The following ODAD2 variants were observed in gnomAD, a reference collection of about 807,000 sequenced individuals.
The protein encoded by ODAD2 is outer dynein arm docking complex subunit 2, also known as outer dynein arm-docking complex subunit 2.
ODAD2 carries 89 observed loss-of-function variants against 106.8 expected under a neutral mutation model. That is an observed-to-expected ratio of 0.83 (90% CI 0.70 to 0.99). The LOEUF is 0.99. Among genes scored for constraint, ODAD2 ranks in the 50% least tolerant of loss-of-function variants. The probability of loss-of-function intolerance (pLI) is 0.00; values close to 1 mark genes in which losing one functional copy is unlikely to be tolerated. For synonymous variants in ODAD2, 404 were observed against 436.2 expected (o/e 0.93, Z 0.92); for missense variants, 1,168 against 1,238.5 (o/e 0.94, Z 0.85).
At chr10:27,867,140 G>T (rs1000221946) in intron 17 of ODAD2, among the ~76,000 whole-genome samples, 1 of 151,992 alleles carries the variant, frequency 6.6e-6, no homozygotes, top group Non-Finnish European at 1.5e-5. Context: ...ACCCACAACT[G>T]ACCCCAAAGC....
At chr10:27,912,390 C>T (rs958603160) in intron 16 of ODAD2, among the ~76,000 whole-genome samples, 4 of 152,000 alleles carry the variant, frequency 2.6e-5, no homozygotes, top group African/African-American at 7.3e-5. Flanking sequence ...AATACATGTA[C>T]GTGCTTTTGG....
At chr10:27,976,720 C>T (rs910269524) in intron 7 of ODAD2, among the ~76,000 whole-genome samples, 1 of 152,148 alleles carries the variant, frequency 6.6e-6, no homozygotes, top group Non-Finnish European at 1.5e-5. Context: ...TTCCATCAGG[C>T]AATTTTTTAA....
rs150302620 is a variant in ODAD2, at chr10:27,955,088, A to C, written c.1386+6480T>G. On this transcript the variant is annotated intron_variant, in intron 10 of 19. Coordinates refer to ENST00000305242, the MANE Select transcript of ODAD2 (RefSeq NM_018076.5). ...CATCAATGTAGCAACACATCTACTAACTTAAAGAATGTTTCTCAGGAACAT... is the reference window on the plus strand; with the variant it reads ...CATCAATGTAGCAACACATCTACTACCTTAAAGAATGTTTCTCAGGAACAT... 4.2e-3 allele frequency among the ~76,000 whole-genome samples: 635 copies of C among 152,342 alleles called. 7 individuals are homozygous for C. Among genetic ancestry groups the C allele is most frequent in the African/African-American group, 0.014 (594 of 41,578 alleles).
At chr10:27,976,985 A>G (rs1329964616) in intron 7 of ODAD2, among the ~76,000 whole-genome samples, 1 of 152,208 alleles carries the variant, frequency 6.6e-6, no homozygotes, top group Non-Finnish European at 1.5e-5. Context: ...TAATTCAGTG[A>G]AAAAACAATA....
At chr10:27,935,599 T>C (rs1845913367) in intron 15 of ODAD2, among the ~76,000 whole-genome samples, 1 of 152,018 alleles carries the variant, frequency 6.6e-6, no homozygotes, top group Admixed American at 6.6e-5. Context: ...AAATAAATTA[T>C]ATGTTATATA....
intron 10 of ODAD2, among the ~76,000 whole-genome samples, chr10:27,949,043 T>A (rs1847146953): frequency 6.6e-6 from 1 of 152,178 alleles, no homozygotes; most frequent in South Asian, 2.1e-4. Flanking sequence ...AGTATTACCC[T>A]GTTTGGTATA....
chr10:27,903,336 C>A (rs570413594), intron 17 of ODAD2, among the ~76,000 whole-genome samples: 1 of 152,252 alleles, frequency 6.6e-6, no homozygotes, highest in Non-Finnish European at 1.5e-5. Flanking sequence ...AACCCACAGC[C>A]AATATCATAC....
chr10:27,964,850 C>T (rs746159645), intron 9 of ODAD2, among the ~76,000 whole-genome samples: 3 of 152,064 alleles, frequency 2.0e-5, no homozygotes, highest in Non-Finnish European at 4.4e-5. Flanking sequence ...ATACTGTCTC[C>T]CCTAGCACAA....
At chr10:27,834,198 G>A (rs1837691805) in intron 19 of ODAD2, among the ~76,000 whole-genome samples, 1 of 152,214 alleles carries the variant, frequency 6.6e-6, no homozygotes, top group African/African-American at 2.4e-5. Flanking sequence ...ACTCTAAAAT[G>A]TAGTGATTGA....
rs11371318 is a variant in ODAD2 at position 27,941,500 on chromosome 10, G to GAAA, written c.1744-698_1744-696dup. On this transcript the variant is annotated intron_variant, in intron 12 of 19. Transcript: ENST00000305242. ...ATCCTGCCCCCCGAACCAAAAAAAA[G>GAAA]AAAAAAAAAAAACCATGAGATCTCT... Among the ~76,000 whole-genome samples, 221 of 132,150 alleles carry GAAA rather than the reference G, an allele frequency of 1.7e-3. 3 individuals carry two copies. In the East Asian group the frequency reaches 0.019, roughly 12 times the overall value. The allele number at this position is 132,150 out of a possible 152,430, so 86.7% of individuals were successfully genotyped here.
chr10:27,988,725 A>G (rs1850036831), intron 2 of ODAD2, among the ~76,000 whole-genome samples: 1 of 152,204 alleles, frequency 6.6e-6, no homozygotes, highest in South Asian at 2.1e-4. Flanking sequence ...ACCAACCGAG[A>G]TTACTTATTA....
chr10:27,897,912 G>T (rs2133773782), intron 17 of ODAD2, among the ~76,000 whole-genome samples: 2 of 152,106 alleles, frequency 1.3e-5, no homozygotes, highest in Admixed American at 1.3e-4. Flanking sequence ...AGAGAGGTGG[G>T]CTGGGTCATG....
chr10:27,920,990 G>A (rs112132192), intron 16 of ODAD2, among the ~76,000 whole-genome samples: 7 of 152,162 alleles, frequency 4.6e-5, no homozygotes, highest in African/African-American at 7.2e-5. Context: ...TTCATTACAC[G>A]ATCACATAAC....
At chr10:27,890,825 A>G (rs1252885916) in intron 17 of ODAD2, among the ~76,000 whole-genome samples, 1 of 152,072 alleles carries the variant, frequency 6.6e-6, no homozygotes, top group Non-Finnish European at 1.5e-5. Context: ...TTAGGATTTT[A>G]GGATCTGGGG....
At chr10:27,904,552 T>C (rs1399574375) in intron 17 of ODAD2, among the ~76,000 whole-genome samples, 1 of 152,228 alleles carries the variant, frequency 6.6e-6, no homozygotes, top group African/African-American at 2.4e-5. Context: ...ACTTTTATCA[T>C]ATACTAAATT....
intron 16 of ODAD2, among the ~76,000 whole-genome samples, chr10:27,923,998 GAA>G (rs879488431): frequency 0.01 from 1,373 of 136,948 alleles, 57 homozygotes; most frequent in Admixed American, 0.015. Context: ...AAGAAAGAAA[GAA>G]AGAAAGAAAG....
intron 13 of ODAD2, 76 bp downstream of exon 13, chr10:27,940,487 G>C: frequency 6.4e-7 from 1 of 1,555,510 alleles, no homozygotes; most frequent in Non-Finnish European, 8.8e-7. Context: ...GAGCCATCAT[G>C]ATAACCTTAG....
chr10:27,875,170 G>A (rs998962892), intron 17 of ODAD2, among the ~76,000 whole-genome samples: 41 of 152,014 alleles, frequency 2.7e-4, no homozygotes, highest in South Asian at 1.4e-3. Context: ...TTGTGCATTC[G>A]TCACGTAGTT....
rs138584224 is a variant in ODAD2, at chr10:27,995,509, G to T, written c.-38-329C>A. On this transcript the variant is annotated intron_variant, in intron 1 of 19. Transcript: ENST00000305242. ...CCAAGAGTGGAAAAAAAAGGAAGTG[G>T]AAGAGGTTTATATTAAGGGCTTTTG... 1,217 of 205,722 alleles carry T rather than the reference G, an allele frequency of 5.9e-3. 7 individuals are homozygous for T. Among genetic ancestry groups the T allele is most frequent in the Admixed American group, 7.0e-3 (134 of 19,216 alleles). The allele number at this position is 205,722 out of a possible 1,614,324, so 12.7% of individuals were successfully genotyped here.
Sources: allele counts gnomAD v4.1 joint callset (sites outside exome capture counted in the v4.1 genomes callset), GRCh38; gene constraint gnomAD v4.1.1; transcripts MANE v1.5; gene names NCBI Gene and HGNC (gene_info 2026-07-23, HGNC 2026-07-21).